The following PLEKHA5 variants were observed in gnomAD, a reference collection of about 807,000 sequenced individuals.
PLEKHA5 encodes the protein pleckstrin homology domain containing A5.
A neutral mutation model predicts 181.9 loss-of-function variants in PLEKHA5; 55 were observed. The ratio of observed to expected loss-of-function variants is 0.30; its 90% CI spans 0.24 to 0.38. The LOEUF (loss-of-function observed/expected upper bound fraction) is 0.38. PLEKHA5 is among the 10% of genes least tolerant of loss of function. The pLI is 1.00. For synonymous variants in PLEKHA5, 535 were observed against 529.4 expected (o/e 1.01, Z -0.15); for missense variants, 1,432 against 1,549.5 (o/e 0.92, Z 1.27).
intron 3 of PLEKHA5, among the ~76,000 whole-genome samples, chr12:19,182,807 C>A (rs1230834769): frequency 6.6e-6 from 1 of 152,144 alleles, no homozygotes; most frequent in South Asian, 2.1e-4. Flanking sequence ...TATTTGCTGT[C>A]AAATGCCAGA....
chr12:19,135,823 G>A (rs756086361), intron 3 of PLEKHA5, among the ~76,000 whole-genome samples: 29 of 150,072 alleles, frequency 1.9e-4, no homozygotes, highest in Admixed American at 4.0e-4. Context: ...TATAGAGAAT[G>A]TATTTTCCTT....
intron 3 of PLEKHA5, among the ~76,000 whole-genome samples, chr12:19,197,273 G>A (rs2053035770): frequency 6.6e-6 from 1 of 152,022 alleles, no homozygotes; most frequent in Admixed American, 6.6e-5. Context: ...AATCCTGCTG[G>A]TCTCCCATTC....
intron 8 of PLEKHA5, among the ~76,000 whole-genome samples, chr12:19,266,747 G>A (rs1182828238): frequency 6.6e-6 from 1 of 152,020 alleles, no homozygotes; most frequent in Non-Finnish European, 1.5e-5. Context: ...TTGCACCACT[G>A]TACTCCAGCC....
chr12:19,293,912 A>G (rs2079104259), intron 15 of PLEKHA5, among the ~76,000 whole-genome samples: 2 of 152,134 alleles, frequency 1.3e-5, no homozygotes, highest in Non-Finnish European at 2.9e-5. Flanking sequence ...CTACTGCTCC[A>G]TGCTTGTGGT....
chr12:19,298,061 C>T (rs139431270), intron 15 of PLEKHA5, among the ~76,000 whole-genome samples: 7 of 151,960 alleles, frequency 4.6e-5, no homozygotes, highest in Admixed American at 6.6e-5. Flanking sequence ...AAAAATTAGC[C>T]GGGCATAGTA....
At chr12:19,251,611 T>C (rs1167177206) in intron 3 of PLEKHA5, among the ~76,000 whole-genome samples, 1 of 151,830 alleles carries the variant, frequency 6.6e-6, no homozygotes, top group Non-Finnish European at 1.5e-5. Flanking sequence ...GATAAAATCA[T>C]GCATAAGCAA....
chr12:19,234,199 G>A (rs947270708), intron 3 of PLEKHA5, among the ~76,000 whole-genome samples: 5 of 152,206 alleles, frequency 3.3e-5, no homozygotes, highest in Non-Finnish European at 7.3e-5. Flanking sequence ...TCTTGAAACA[G>A]TCAGGTCAGC....
intron 3 of PLEKHA5, among the ~76,000 whole-genome samples, chr12:19,244,587 A>G (rs2063301112): frequency 2.0e-5 from 3 of 152,224 alleles, no homozygotes; most frequent in Admixed American, 2.0e-4. Context: ...CCACTATGCT[A>G]TTCTATTTTT....
At position 19,363,332 on chromosome 12, in the gene PLEKHA5, A is replaced by T. The variant is rs1476280268; in HGVS notation, c.3608+1626A>T. Among the ~76,000 whole-genome samples, 8 of 142,104 alleles carry T rather than the reference A, an allele frequency of 5.6e-5. 1 individual carries two copies. The highest frequency in any genetic ancestry group is 2.2e-4 in the South Asian group (1 of 4,474). 93.2% of individuals were successfully genotyped at this position (142,104 alleles called of 152,430 possible). On this transcript the variant is annotated intron_variant, in intron 29 of 31. Transcript: ENST00000429027. ...ACGCATGGCTAATTTTTATTTTTTT[A>T]TTTTTTTTTTTATTTTTAGTAGAGA...
chr12:19,205,338 G>A (rs2055168630), intron 3 of PLEKHA5: 1 of 980,942 alleles, frequency 1.0e-6, no homozygotes, highest in African/African-American at 1.8e-5. Context: ...AGAGATCACG[G>A]TGTGCCCCTT....
intron 3 of PLEKHA5, among the ~76,000 whole-genome samples, chr12:19,132,698 T>C (rs531160907): frequency 6.6e-6 from 1 of 152,174 alleles, no homozygotes; most frequent in East Asian, 1.9e-4. Flanking sequence ...TTATGGCCAC[T>C]TTTAAAAATA....
intron 8 of PLEKHA5, among the ~76,000 whole-genome samples, chr12:19,269,567 A>G (rs1418267216): frequency 6.6e-6 from 1 of 151,410 alleles, no homozygotes; most frequent in African/African-American, 2.4e-5. Context: ...AGAGGGTAAA[A>G]TTAAGGGGGA....
chr12:19,357,161 T>C (rs978887086), intron 26 of PLEKHA5, among the ~76,000 whole-genome samples: 2 of 152,132 alleles, frequency 1.3e-5, no homozygotes, highest in African/African-American at 4.8e-5. Flanking sequence ...TTGAGTTTTA[T>C]TCAGTTTTCT....
intron 3 of PLEKHA5, among the ~76,000 whole-genome samples, chr12:19,191,457 G>T (rs2051098495): frequency 6.6e-6 from 1 of 152,106 alleles, no homozygotes; most frequent in Admixed American, 6.6e-5. Flanking sequence ...CGGCCTAATT[G>T]GTTGTTGTTG....
intron 16 of PLEKHA5, among the ~76,000 whole-genome samples, chr12:19,318,860 G>T (rs182548853): frequency 1.3e-5 from 2 of 152,294 alleles, no homozygotes; most frequent in East Asian, 3.9e-4. Context: ...GGCAGAGGTT[G>T]CAATGAGCCG....
At chr12:19,178,793 C>T (rs183303322) in intron 3 of PLEKHA5, among the ~76,000 whole-genome samples, 1 of 152,112 alleles carries the variant, frequency 6.6e-6, no homozygotes, top group South Asian at 2.1e-4. Context: ...GCAGTGATGT[C>T]TGTGGATTGA....
At chr12:19,220,605 C>T (rs954050116) in intron 3 of PLEKHA5, among the ~76,000 whole-genome samples, 1 of 152,074 alleles carries the variant, frequency 6.6e-6, no homozygotes, top group Non-Finnish European at 1.5e-5. Flanking sequence ...ATCCCTTCTC[C>T]ATAAGAGATT....
At chr12:19,190,442 A>T in intron 3 of PLEKHA5, among the ~76,000 whole-genome samples, 1 of 152,224 alleles carries the variant, frequency 6.6e-6, no homozygotes, top group East Asian at 1.9e-4. Context: ...GCTGAGAGAT[A>T]ACTGATTGCA....
chr12:19,314,945 C>T (rs1434135928), intron 16 of PLEKHA5, 51 bp downstream of exon 16: 9 of 899,736 alleles, frequency 1.0e-5, no homozygotes, highest in Non-Finnish European at 1.6e-5. Context: ...CAAAATCCCT[C>T]AGTGACAGTT....
Sources: gnomAD v4.1 joint callset for allele counts (sites outside exome capture counted in the v4.1 genomes callset) on GRCh38, gnomAD v4.1.1 for gene constraint, MANE v1.5 for transcripts, NCBI Gene and HGNC (gene_info 2026-07-23, HGNC 2026-07-21) for gene names.